The following GRHL2 variants were observed in gnomAD, a reference collection of about 807,000 sequenced individuals.
The protein encoded by GRHL2 is grainyhead-like protein 2 homolog.
Under a neutral mutation model 83.8 loss-of-function variants are expected in GRHL2, and 21 were observed. The observed-to-expected ratio is 0.25, with a 90% CI of 0.18 to 0.36. GRHL2 has a LOEUF of 0.36. Among genes scored for constraint, GRHL2 ranks in the 10% least tolerant of loss-of-function variants. GRHL2 has a pLI of 1.00. For missense variants in GRHL2, 623 were observed against 781.8 expected, an observed-to-expected ratio of 0.80 and a Z score of 2.42; for synonymous variants, 280 against 278.9, an observed-to-expected ratio of 1.00 and a Z score of -0.04.
chr8:101,504,911 C>A (rs939203297), intron 1 of GRHL2, among the ~76,000 whole-genome samples: 2 of 150,286 alleles, frequency 1.3e-5, no homozygotes, highest in South Asian at 4.2e-4. Flanking sequence ...CAAAAAGTAC[C>A]TGATGGGAAC....
chr8:101,626,654 T>C (rs1025014968), intron 9 of GRHL2, among the ~76,000 whole-genome samples: 1 of 152,078 alleles, frequency 6.6e-6, no homozygotes, highest in Admixed American at 6.6e-5. Flanking sequence ...ATTTTCCAGA[T>C]ATATTTTCCA....
At chr8:101,648,909 T>A (rs565530017) in intron 13 of GRHL2, among the ~76,000 whole-genome samples, 89 of 152,266 alleles carry the variant, frequency 5.8e-4, no homozygotes, top group African/African-American at 2.1e-3. Context: ...TTCCTGACAT[T>A]TTCCTCCATA....
In GRHL2 at chr8:101,562,539, T is replaced by A. The variant is rs1811629458; in HGVS notation, c.678+3727T>A. ...ACCAAACACCAAGCTTGAGAGGTGA[T>A]GTAATTTTTATATATGGTGTGAGGT... On this transcript the variant is annotated intron_variant, in intron 4 of 15. Coordinates refer to ENST00000646743, the MANE Select transcript of GRHL2 (RefSeq NM_024915.4). 6 of 245,758 alleles carry A rather than the reference T, an allele frequency of 2.4e-5. No individual in the cohort carries two copies. In the Admixed American group the frequency reaches 3.2e-4, roughly 13 times the overall value. The allele number at this position is 245,758 out of a possible 1,614,324, so 15.2% of individuals were successfully genotyped here.
intron 8 of GRHL2, among the ~76,000 whole-genome samples, chr8:101,606,209 T>C (rs1043526124): frequency 6.6e-6 from 1 of 152,204 alleles, no homozygotes; most frequent in Non-Finnish European, 1.5e-5. Flanking sequence ...TACTTACACA[T>C]AAGCCAATGT....
chr8:101,580,794 C>A (rs771786666), intron 7 of GRHL2, among the ~76,000 whole-genome samples: 1 of 152,134 alleles, frequency 6.6e-6, no homozygotes, highest in Non-Finnish European at 1.5e-5. Flanking sequence ...GCCTCCGACT[C>A]CCTGGTTCAA....
chr8:101,558,145 A>C (rs1174990707), intron 3 of GRHL2, among the ~76,000 whole-genome samples: 2 of 152,154 alleles, frequency 1.3e-5, no homozygotes, highest in South Asian at 2.1e-4. Flanking sequence ...GATTACAGGC[A>C]TGAGGCACCG....
intron 1 of GRHL2, among the ~76,000 whole-genome samples, chr8:101,525,339 G>A (rs1253176331): frequency 6.6e-6 from 1 of 151,964 alleles, no homozygotes; most frequent in East Asian, 1.9e-4. Context: ...TTAAATTATT[G>A]AAGTCCCAGA....
rs1272920545 is a variant in GRHL2, at chr8:101,558,475, T to C, written c.341T>C (p.Val114Ala). 6.2e-7 allele frequency: 1 copy of C among 1,613,850 alleles called. No individual in the cohort carries two copies. The highest frequency in any genetic ancestry group is 8.5e-7 in the Non-Finnish European group (1 of 1,179,948). The change falls in exon 4 of 16, where the codon GTG becomes GCG. Residue 114 changes from valine to alanine, a missense_variant. Around this residue, in one of 8 missense-constraint regions of GRHL2, gnomAD observed 239 missense variants for 240.5 expected, o/e 0.99. Coordinates refer to ENST00000646743, the MANE Select transcript of GRHL2 (RefSeq NM_024915.4). ...AATTTGAGTGGAGGAGAAAACCGAG[T>C]GCAAGTCCTAAAGACTGTTCCAGTG... ...QSNLSGGENR[V>A]QVLKTVPVNL...
chr8:101,624,517 T>C (rs1393694092), intron 9 of GRHL2, among the ~76,000 whole-genome samples: 1 of 31,986 alleles, frequency 3.1e-5, no homozygotes, highest in Non-Finnish European at 8.5e-5. Flanking sequence ...GTAGGACAGT[T>C]CACAGTAAGA....
At chr8:101,624,262 CAGTAGGACAGTACAT>C (rs1410740542) in intron 9 of GRHL2, among the ~76,000 whole-genome samples, 1 of 151,068 alleles carries the variant, frequency 6.6e-6, no homozygotes, top group Non-Finnish European at 1.5e-5. Context: ...ACACAGTACA[CAGTAGGACAGTACAT>C]AGTAGGACAG....
intron 2 of GRHL2, among the ~76,000 whole-genome samples, chr8:101,545,004 A>G (rs1251555796): frequency 1.9e-4 from 29 of 152,180 alleles, no homozygotes; most frequent in Non-Finnish European, 8.8e-5. Flanking sequence ...CTTTCCCATT[A>G]AAACACTCAG....
chr8:101,596,335 G>A (rs940021529), intron 7 of GRHL2, among the ~76,000 whole-genome samples: 6 of 152,098 alleles, frequency 3.9e-5, no homozygotes, highest in Admixed American at 2.0e-4. Context: ...TACTGTGAAC[G>A]TCAATTGTTT....
intron 8 of GRHL2, among the ~76,000 whole-genome samples, chr8:101,602,900 G>C (rs913508770): frequency 3.9e-5 from 6 of 152,302 alleles, no homozygotes; most frequent in African/African-American, 7.2e-5. Flanking sequence ...AGAGGAATGG[G>C]GCGAGTAAGG....
intron 4 of GRHL2, among the ~76,000 whole-genome samples, chr8:101,564,486 T>C (rs1014419028): frequency 6.6e-6 from 1 of 151,942 alleles, no homozygotes; most frequent in African/African-American, 2.4e-5. Flanking sequence ...CAGGCTGGGA[T>C]TTTTGAAAAG....
Position 101,646,462 on chromosome 8 carries a change from G to A in GRHL2, c.1612+2237G>A, listed in dbSNP as rs180918608. On this transcript the variant is annotated intron_variant, in intron 13 of 15. Coordinates refer to ENST00000646743, the MANE Select transcript of GRHL2 (RefSeq NM_024915.4). ...ATCTGAATCATAGACACATGAGGGCGCTGTAACCTTCCAGCAATAACGGGC... is the reference window on the plus strand; with the variant it reads ...ATCTGAATCATAGACACATGAGGGCACTGTAACCTTCCAGCAATAACGGGC... Among the ~76,000 whole-genome samples the A allele has an allele frequency of 1.8e-3, 274 of 152,338 alleles. 4 individuals are homozygous for A. Among genetic ancestry groups the A allele is most frequent in the South Asian group, 1.0e-3 (5 of 4,830 alleles).
chr8:101,620,867 G>A (rs1243303872), intron 9 of GRHL2, among the ~76,000 whole-genome samples: 1 of 151,860 alleles, frequency 6.6e-6, no homozygotes, highest in East Asian at 1.9e-4. Context: ...AATGTTTTAG[G>A]CTCTATGAAT....
At chr8:101,519,575 T>TG (rs5893568) in intron 1 of GRHL2, among the ~76,000 whole-genome samples, 3 of 150,412 alleles carry the variant, frequency 2.0e-5, no homozygotes, top group Non-Finnish European at 4.4e-5. Context: ...TTTTTTTTTT[T>TG]GTATGGTTGC....
At chr8:101,512,630 A>G (rs1033334785) in intron 1 of GRHL2, among the ~76,000 whole-genome samples, 9 of 152,146 alleles carry the variant, frequency 5.9e-5, no homozygotes, top group Admixed American at 2.6e-4. Flanking sequence ...GTGCACCACG[A>G]TGCCTGACTA....
intron 14 of GRHL2, among the ~76,000 whole-genome samples, chr8:101,651,050 A>T (rs573190560): frequency 3.9e-5 from 6 of 152,310 alleles, no homozygotes; most frequent in Admixed American, 3.9e-4. Context: ...CATTAAGGAA[A>T]AACAAAAACA....
Sources: gnomAD v4.1 joint callset for allele counts (sites outside exome capture counted in the v4.1 genomes callset) on GRCh38, gnomAD v4.1.1 for gene constraint, gnomAD v4.1.1 regional missense constraint, MANE v1.5 for transcripts, NCBI Gene and HGNC (gene_info 2026-07-23, HGNC 2026-07-21) for gene names.